ANKS1B: variants seen among roughly 807,000 people sequenced by gnomAD.
ANKS1B encodes ankyrin repeat and sterile alpha motif domain containing 1B, also known as ankyrin repeat and sterile alpha motif domain-containing protein 1B.
A neutral mutation model predicts 148.3 loss-of-function variants in ANKS1B; 36 were observed. That is an observed-to-expected ratio of 0.24 (90% CI 0.19 to 0.32). ANKS1B has a LOEUF of 0.32. Ranked by LOEUF, ANKS1B falls within the 10% of genes least tolerant of loss-of-function variation. The pLI is 1.00. For synonymous variants in ANKS1B, 542 were observed against 560.8 expected, an observed-to-expected ratio of 0.97 and a Z score of 0.47; for missense variants, 1,157 against 1,542.6, an observed-to-expected ratio of 0.75 and a Z score of 4.19.
chr12:99,892,090 G>A (rs1401040681), intron 1 of ANKS1B, among the ~76,000 whole-genome samples: 9 of 152,116 alleles, frequency 5.9e-5, no homozygotes, highest in South Asian at 2.1e-4. Flanking sequence ...TGCAACCTCC[G>A]CCTCCCAGGT....
intron 14 of ANKS1B, 145 bp downstream of exon 14, chr12:99,244,197 A>G: frequency 1.7e-6 from 1 of 587,608 alleles, no homozygotes; most frequent in South Asian, 2.4e-5. Context: ...CTTATATGTC[A>G]TTGTTGTTAG....
intron 9 of ANKS1B, among the ~76,000 whole-genome samples, chr12:99,571,981 G>A (rs2097460594): frequency 6.6e-6 from 1 of 152,060 alleles, no homozygotes; most frequent in Non-Finnish European, 1.5e-5. Flanking sequence ...TGCATGTTGA[G>A]CCTAGTCCTA....
At chr12:99,875,150 T>G (rs1399164176) in intron 1 of ANKS1B, among the ~76,000 whole-genome samples, 1 of 152,116 alleles carries the variant, frequency 6.6e-6, no homozygotes, top group South Asian at 2.1e-4. Flanking sequence ...ATCAAATAGT[T>G]TAGAAAGATG....
intron 1 of ANKS1B, among the ~76,000 whole-genome samples, chr12:99,982,727 A>G (rs1230064459): frequency 6.6e-6 from 1 of 152,208 alleles, no homozygotes; most frequent in African/African-American, 2.4e-5. Context: ...AAGGGAGTAC[A>G]CACAAGTCAT....
chr12:99,567,815 T>C (rs1373700278), intron 9 of ANKS1B, among the ~76,000 whole-genome samples: 2 of 152,296 alleles, frequency 1.3e-5, no homozygotes, highest in Admixed American at 6.5e-5. Context: ...CTTACCACAC[T>C]TTACGTAACC....
At chr12:99,311,422 A>T (rs947071268) in intron 12 of ANKS1B, among the ~76,000 whole-genome samples, 1 of 152,114 alleles carries the variant, frequency 6.6e-6, no homozygotes, top group African/African-American at 2.4e-5. Context: ...GTATCAAAAG[A>T]AGGGCATATA....
intron 15 of ANKS1B, among the ~76,000 whole-genome samples, chr12:99,135,532 A>C (rs984408672): frequency 1.3e-5 from 2 of 152,206 alleles, no homozygotes; most frequent in African/African-American, 4.8e-5. Flanking sequence ...GTCACCGATA[A>C]AAGAAACAAC....
chr12:99,173,816 C>G (rs1219779179), intron 14 of ANKS1B, among the ~76,000 whole-genome samples: 1 of 152,052 alleles, frequency 6.6e-6, no homozygotes, highest in Non-Finnish European at 1.5e-5. Flanking sequence ...GGGATTTACC[C>G]TCTCATTACT....
chr12:98,960,679 CCA>C (rs1434820792), intron 17 of ANKS1B, among the ~76,000 whole-genome samples: 1 of 151,536 alleles, frequency 6.6e-6, no homozygotes, highest in African/African-American at 2.4e-5. Context: ...GGGACCAATC[CCA>C]GAGAGACAGA....
intron 12 of ANKS1B, among the ~76,000 whole-genome samples, chr12:99,311,076 CTG>C (rs2154025747): frequency 6.6e-6 from 1 of 152,256 alleles, no homozygotes; most frequent in South Asian, 2.1e-4. Flanking sequence ...CCTATTATTA[CTG>C]TGTGGTTGCT....
At chr12:99,440,569 G>A (rs770554369) in intron 11 of ANKS1B, among the ~76,000 whole-genome samples, 5 of 151,680 alleles carry the variant, frequency 3.3e-5, no homozygotes, top group South Asian at 2.1e-4. Flanking sequence ...ATTTTAAGAC[G>A]TGAAATAACT....
chr12:98,958,523 T>A (rs188874344), intron 17 of ANKS1B, among the ~76,000 whole-genome samples: 18 of 152,222 alleles, frequency 1.2e-4, no homozygotes, highest in Non-Finnish European at 1.8e-4. Context: ...GGATGAACCT[T>A]CCATGACGAC....
intron 12 of ANKS1B, among the ~76,000 whole-genome samples, chr12:99,376,435 G>C (rs1297740962): frequency 2.0e-5 from 3 of 152,168 alleles, no homozygotes; most frequent in Admixed American, 2.0e-4. Context: ...GGGGTGTTCA[G>C]ATAGTGCTTT....
chr12:99,703,935 T>A (rs1364447751), intron 8 of ANKS1B, among the ~76,000 whole-genome samples: 1 of 152,140 alleles, frequency 6.6e-6, no homozygotes, highest in African/African-American at 2.4e-5. Flanking sequence ...AGTCTCTGAA[T>A]AATAGCCAGT....
chr12:98,941,780 T>C (rs142527357), intron 17 of ANKS1B, among the ~76,000 whole-genome samples: 1 of 152,280 alleles, frequency 6.6e-6, no homozygotes, highest in Non-Finnish European at 1.5e-5. Flanking sequence ...AGTAGGAAAA[T>C]AAATATTATT....
intron 14 of ANKS1B, among the ~76,000 whole-genome samples, chr12:99,207,660 A>T (rs2082844635): frequency 6.6e-6 from 1 of 152,078 alleles, no homozygotes; most frequent in African/African-American, 2.4e-5. Flanking sequence ...AGGGTTAAAA[A>T]TTCCAATTAA....
At chr12:98,743,650 T>A (rs528513718), downstream of ANKS1B, among the ~76,000 whole-genome samples, 1 of 152,336 alleles carries the variant, frequency 6.6e-6, no homozygotes, top group Admixed American at 6.5e-5. Context: ...ATAATGTTTT[T>A]CCAAACATAC....
intron 12 of ANKS1B, among the ~76,000 whole-genome samples, chr12:99,349,100 T>C (rs1362283108): frequency 6.6e-6 from 1 of 151,952 alleles, no homozygotes. Context: ...TAAGTGGGTA[T>C]TAATTCAAAC....
chr12:99,321,371 C>A (rs2085234647), intron 12 of ANKS1B, among the ~76,000 whole-genome samples: 1 of 152,222 alleles, frequency 6.6e-6, no homozygotes, highest in African/African-American at 2.4e-5. Context: ...AGCTTCCCAG[C>A]CACTTTGTTT....
Sources: allele counts gnomAD v4.1 joint callset (sites outside exome capture counted in the v4.1 genomes callset), GRCh38; gene constraint gnomAD v4.1.1; transcripts MANE v1.5; gene names NCBI Gene and HGNC (gene_info 2026-07-23, HGNC 2026-07-21).